The following CNTN6 variants were observed in gnomAD, a reference collection of about 807,000 sequenced individuals.
CNTN6 encodes contactin 6.
In CNTN6, 137 loss-of-function variants were observed where a neutral mutation model predicts 122.8. That is an observed-to-expected ratio of 1.12 (90% CI 0.97 to 1.29). CNTN6 has a LOEUF of 1.29. Ranked by LOEUF, CNTN6 falls within the 50% of genes most tolerant of loss-of-function variation. CNTN6 has a pLI of 0.00. For missense variants in CNTN6, 1,634 were observed against 1,223.4 expected, an observed-to-expected ratio of 1.34 and a Z score of -5.01; for synonymous variants, 570 against 426.0, an observed-to-expected ratio of 1.34 and a Z score of -4.16.
Position 1,374,093 on chromosome 3 carries a change from T to C in CNTN6, c.2095+20T>C. 6.2e-7 allele frequency: 1 copy of C among 1,607,316 alleles called. No individual in the cohort carries two copies. Among genetic ancestry groups the C allele is most frequent in the Non-Finnish European group, 8.5e-7 (1 of 1,175,528 alleles). ...CATCAGGTAAAGAATCAATGTGTTC[T>C]AAAAGTGTGGAAGATTTCGTATGAT... On this transcript the variant is annotated intron_variant, in intron 16 of 22. Transcript: ENST00000446702.
At chr3:1,289,736 G>A (rs1416205526) in intron 5 of CNTN6, among the ~76,000 whole-genome samples, 3 of 150,108 alleles carry the variant, frequency 2.0e-5, no homozygotes, top group Non-Finnish European at 4.4e-5. Flanking sequence ...GGGCAGGGGC[G>A]CGATCTCAGC....
Position 1,253,062 on chromosome 3 carries a change from C to T in CNTN6, c.358+25069C>T, listed in dbSNP as rs2094696245. Among the ~76,000 whole-genome samples the T allele has an allele frequency of 1.3e-5, 2 of 152,140 alleles. 1 individual carries two copies. Among genetic ancestry groups the T allele is most frequent in the South Asian group, 4.1e-4 (2 of 4,830 alleles). ...TAGAGTCCTATGTGCGTGTTCTAAT[C>T]TAGTTAATTTACTTCAATCATCCTC... On this transcript the variant is annotated intron_variant, in intron 4 of 22. Coordinates refer to ENST00000446702, the MANE Select transcript of CNTN6 (RefSeq NM_001289080.2).
At chr3:1,265,748 G>T (rs2094916661) in intron 4 of CNTN6, among the ~76,000 whole-genome samples, 1 of 152,166 alleles carries the variant, frequency 6.6e-6, no homozygotes, top group Non-Finnish European at 1.5e-5. Flanking sequence ...CTTGTCTCCT[G>T]ATATGCCATG....
chr3:1,135,613 CTG>C (rs1383668429), intron 1 of CNTN6, among the ~76,000 whole-genome samples: 7 of 152,140 alleles, frequency 4.6e-5, no homozygotes, highest in Non-Finnish European at 1.5e-5. Flanking sequence ...CATAAATACA[CTG>C]TATATACACT....
At chr3:1,101,160 C>T (rs573144239) in intron 1 of CNTN6, among the ~76,000 whole-genome samples, 1 of 152,122 alleles carries the variant, frequency 6.6e-6, no homozygotes, top group African/African-American at 2.4e-5. Flanking sequence ...GAATTTGGGC[C>T]CTACAACCAA....
intron 1 of CNTN6, among the ~76,000 whole-genome samples, chr3:1,099,182 T>A (rs957504086): frequency 6.6e-6 from 1 of 152,200 alleles, no homozygotes; most frequent in Non-Finnish European, 1.5e-5. Flanking sequence ...CCGGGCTCAG[T>A]GGCTCACGCC....
chr3:1,098,152 G>A (rs1332056644), intron 1 of CNTN6, among the ~76,000 whole-genome samples: 1 of 151,924 alleles, frequency 6.6e-6, no homozygotes, highest in East Asian at 1.9e-4. Context: ...GAGTTAGTGG[G>A]TGCAGTGCAC....
intron 4 of CNTN6, among the ~76,000 whole-genome samples, chr3:1,272,963 A>G (rs1187850011): frequency 6.6e-6 from 1 of 152,186 alleles, no homozygotes; most frequent in Non-Finnish European, 1.5e-5. Context: ...GGTTGCTCCA[A>G]GAGAGAGCAT....
intron 4 of CNTN6, among the ~76,000 whole-genome samples, chr3:1,278,182 TAGTG>T (rs1692758773): frequency 6.6e-6 from 1 of 152,150 alleles, no homozygotes; most frequent in African/African-American, 2.4e-5. Flanking sequence ...AGCAAACAGA[TAGTG>T]AGTATTGTCT....
At chr3:1,264,953 T>A (rs1401524923) in intron 4 of CNTN6, among the ~76,000 whole-genome samples, 1 of 151,974 alleles carries the variant, frequency 6.6e-6, no homozygotes, top group East Asian at 1.9e-4. Flanking sequence ...ATGAGTGAGA[T>A]CATTTGGTAT....
intron 12 of CNTN6, among the ~76,000 whole-genome samples, chr3:1,365,247 C>T (rs909166707): frequency 3.3e-5 from 5 of 151,964 alleles, no homozygotes; most frequent in Admixed American, 1.3e-4. Flanking sequence ...GGAGGCAAAT[C>T]CCAAACCTCA....
intron 4 of CNTN6, among the ~76,000 whole-genome samples, chr3:1,277,129 T>A (rs114001408): frequency 0.04 from 6,090 of 152,238 alleles, 174 homozygotes; most frequent in South Asian, 0.071. Flanking sequence ...AGTCTATTAT[T>A]ATGGGAGAAG....
intron 2 of CNTN6, among the ~76,000 whole-genome samples, chr3:1,169,072 A>G (rs2093313886): frequency 6.6e-6 from 1 of 152,148 alleles, no homozygotes; most frequent in Non-Finnish European, 1.5e-5. Context: ...TGAGTGGCAG[A>G]GGAAGGATGG....
chr3:1,339,243 C>G (rs779259437), intron 11 of CNTN6, among the ~76,000 whole-genome samples: 7 of 152,148 alleles, frequency 4.6e-5, no homozygotes, highest in Non-Finnish European at 1.0e-4. Context: ...ATGCCCTCCT[C>G]AATCCCTCTC....
At chr3:1,261,039 G>A (rs567354312) in intron 4 of CNTN6, among the ~76,000 whole-genome samples, 3 of 152,062 alleles carry the variant, frequency 2.0e-5, no homozygotes, top group Admixed American at 6.5e-5. Flanking sequence ...CTCTATGTGC[G>A]ATGGGGAAAA....
intron 12 of CNTN6, among the ~76,000 whole-genome samples, chr3:1,359,993 C>A (rs1476965963): frequency 1.3e-5 from 2 of 152,044 alleles, no homozygotes; most frequent in Admixed American, 6.6e-5. Flanking sequence ...TGTTGACGCT[C>A]CATTGCCTAA....
intron 4 of CNTN6, among the ~76,000 whole-genome samples, chr3:1,239,221 G>T (rs1006532373): frequency 6.6e-6 from 1 of 152,246 alleles, no homozygotes; most frequent in Non-Finnish European, 1.5e-5. Flanking sequence ...TAAAAAAGAA[G>T]TCAAACTGTC....
At chr3:1,260,809 C>T (rs1342706604) in intron 4 of CNTN6, among the ~76,000 whole-genome samples, 1 of 152,008 alleles carries the variant, frequency 6.6e-6, no homozygotes, top group African/African-American at 2.4e-5. Context: ...TAAAGAAGGA[C>T]GTGTATGCTT....
At chr3:1,099,281 C>T (rs919266533) in intron 1 of CNTN6, among the ~76,000 whole-genome samples, 3 of 151,922 alleles carry the variant, frequency 2.0e-5, no homozygotes, top group Admixed American at 6.6e-5. Flanking sequence ...GAAACCCCGT[C>T]TCTACCAAAA....
Sources: gnomAD v4.1 joint callset for allele counts (sites outside exome capture counted in the v4.1 genomes callset) on GRCh38, gnomAD v4.1.1 for gene constraint, MANE v1.5 for transcripts, NCBI Gene and HGNC (gene_info 2026-07-23, HGNC 2026-07-21) for gene names.